Variants in FANCM observed in about 807,000 individuals in gnomAD.
FANCM encodes Fanconi anemia group M protein.
FANCM carries 140 observed loss-of-function variants against 199.5 expected under a neutral mutation model. That is an observed-to-expected ratio of 0.70 (90% confidence interval 0.61 to 0.81). The LOEUF is 0.81. Among genes scored for constraint, FANCM ranks in the 30% least tolerant of loss-of-function variants. The pLI, the probability that FANCM is intolerant of heterozygous loss-of-function variation, is 0.00. For synonymous variants in FANCM, 840 were observed against 836.8 expected, an observed-to-expected ratio of 1.00 and a Z score of -0.07; for missense variants, 2,410 against 2,421.4, an observed-to-expected ratio of 1.00 and a Z score of 0.10.
chr14:45,152,926 G>A (rs561638501), intron 5 of FANCM, among the ~76,000 whole-genome samples: 1 of 152,098 alleles, frequency 6.6e-6, no homozygotes, highest in Non-Finnish European at 1.5e-5. Flanking sequence ...TTTGATTTCT[G>A]CTAGGAAATA....
rs770651053 is a variant in FANCM, at chr14:45,176,517, C to A, written c.3763C>A (p.Pro1255Thr). Residue 1255 changes from proline to threonine, a missense_variant, in exon 14 of 23, where the codon CCT becomes ACT. By Grantham distance (38) the Pro-to-Thr change is conservative (BLOSUM62 -1). Transcript: ENST00000267430. The stretch of plus-strand genomic sequence containing the variant: ...GGAACATACATCAGATAGCAATAGA[C>A]CTCTAGATGATCTATATGGAAGGTA... Reference protein sequence around the residue: ...ILEHTSDSNRPLDDLYGRYLE... With the variant: ...ILEHTSDSNRTLDDLYGRYLE... The A allele has an allele frequency of 3.1e-6, 5 of 1,601,970 alleles. No homozygotes were observed. Among genetic ancestry groups the A allele is most frequent in the Admixed American group, 3.4e-5 (2 of 58,612 alleles).
At chr14:45,136,772 A>T (rs575259425) in intron 1 of FANCM, among the ~76,000 whole-genome samples, 154 of 152,378 alleles carry the variant, frequency 1.0e-3, no homozygotes, top group African/African-American at 3.6e-3. Context: ...GTAACTGAAC[A>T]TGATATTTCC....
chr14:45,164,319 A>G lies in FANCM; in HGVS notation c.1582-40A>G, dbSNP rs78455731. On this transcript the variant is annotated intron_variant, in intron 9 of 22. Transcript: ENST00000267430. Reference sequence around the variant, plus strand: ...ATATGCTTTGATCTACAGTTCTCTTACATTTGCATGTAGTTATTTTTCAAT... The same window carrying G: ...ATATGCTTTGATCTACAGTTCTCTTGCATTTGCATGTAGTTATTTTTCAAT... 0.11 allele frequency: 155,934 copies of G among 1,467,896 alleles called. 9,481 individuals are homozygous for G. The highest frequency in any genetic ancestry group is 0.2 in the South Asian group (17,588 of 87,858). The allele number at this position is 1,467,896 out of a possible 1,614,324, so 90.9% of individuals were successfully genotyped here. A position where few individuals can be genotyped will look rare whatever the true frequency, so the allele number is the denominator to read the frequency against.
intron 6 of FANCM, 53 bp from the exon 7 acceptor site, chr14:45,154,644 A>G: frequency 8.6e-7 from 1 of 1,159,884 alleles, no homozygotes; most frequent in Admixed American, 2.2e-5. Context: ...TAAATAATAC[A>G]TTTTATCAGT....
intron 3 of FANCM, among the ~76,000 whole-genome samples, chr14:45,147,369 G>T (rs1464403290): frequency 1.3e-5 from 2 of 150,688 alleles, no homozygotes; most frequent in Admixed American, 6.6e-5. Flanking sequence ...GAATACAGTC[G>T]CAACTGTAGT....
At chr14:45,175,035 T>C (rs768731678) in intron 13 of FANCM, 36 bp from the exon 14 acceptor site, 1 of 1,411,476 alleles carries the variant, frequency 7.1e-7, no homozygotes, top group South Asian at 1.2e-5. Context: ...TTTTGTTTTG[T>C]TTTCCTGTGG....
chr14:45,164,306 C>G, intron 9 of FANCM, 53 bp from the exon 10 acceptor site: 1 of 1,401,030 alleles, frequency 7.1e-7, no homozygotes, highest in Non-Finnish European at 1.0e-6. Flanking sequence ...ATGCTTTGAT[C>G]TACAGTTCTC....
chr14:45,190,408 C>G (rs114742845), intron 20 of FANCM, among the ~76,000 whole-genome samples: 4,166 of 152,182 alleles, frequency 0.027, 113 homozygotes, highest in African/African-American at 0.068. Flanking sequence ...ATGGCTAGAT[C>G]AAGCTAATTA....
At chr14:45,170,803 C>T (rs2139227508) in intron 12 of FANCM, 57 bp downstream of exon 12, 1 of 1,394,728 alleles carries the variant, frequency 7.2e-7, no homozygotes, top group Non-Finnish European at 1.0e-6. Context: ...AATGCCAGAA[C>T]CCCTCAGATG....
chr14:45,147,906 C>A (rs890879669), intron 3 of FANCM, among the ~76,000 whole-genome samples: 1,667 of 143,506 alleles, frequency 0.012, 38 homozygotes, highest in African/African-American at 0.042. Flanking sequence ...CGCCCCCCCC[C>A]CAAAAAAAAA....
intron 19 of FANCM, among the ~76,000 whole-genome samples, chr14:45,188,386 A>T (rs571646824): frequency 1.3e-5 from 2 of 151,824 alleles, no homozygotes; most frequent in African/African-American, 4.8e-5. Context: ...ATCAAAATTC[A>T]TTTTTTTTCA....
chr14:45,174,825 A>G (rs1046211181), intron 13 of FANCM, among the ~76,000 whole-genome samples: 1 of 152,150 alleles, frequency 6.6e-6, no homozygotes, highest in Non-Finnish European at 1.5e-5. Context: ...AATAGTTACC[A>G]AGGGTCTTTT....
Position 45,198,712 on chromosome 14 carries a change from G to C in FANCM, c.5785G>C (p.Gly1929Arg). 6.2e-7 allele frequency: 1 copy of C among 1,613,902 alleles called. No individual in the cohort carries two copies. Among genetic ancestry groups the C allele is most frequent in the Non-Finnish European group, 8.5e-7 (1 of 1,179,852 alleles). ...DSLLTTLIGA[G>R]IRILFSSCQE... ...CCTGCTGACTACCTTAATTGGCGCTGGAATCCGAATTCTTTTCAGTTCCTG... is the reference window on the plus strand; with the variant it reads ...CCTGCTGACTACCTTAATTGGCGCTCGAATCCGAATTCTTTTCAGTTCCTG... Residue 1929 changes from glycine (G) to arginine (R), a missense_variant, in exon 22 of 23, where the codon GGA (glycine) becomes CGA (arginine). By Grantham distance (125) the Gly-to-Arg change is moderately radical (BLOSUM62 -2). Coordinates refer to ENST00000267430, the MANE Select transcript of FANCM (RefSeq NM_020937.4).
At position 45,176,408 on chromosome 14, in the gene FANCM, G is replaced by T; in HGVS notation, c.3654G>T (p.Glu1218Asp). The T allele has an allele frequency of 6.2e-7, 1 of 1,612,808 alleles. No individual in the cohort carries two copies. The highest frequency in any genetic ancestry group is 8.5e-7 in the Non-Finnish European group (1 of 1,179,848). The change falls in exon 14 of 23, where the codon GAG (glutamate) becomes GAT (aspartate). Residue 1218 changes from glutamate (E) to aspartate (D), a missense_variant. Transcript: ENST00000267430. ...AGGAAGAAAAAGTGAAGAATCATGA[G>T]GATATTTTTGATTGCTCTAGGGATT... The part of the protein sequence containing the change: ...GVQEEKVKNH[E>D]DIFDCSRDLF...
Position 45,136,476 on chromosome 14 carries a change from C to G in FANCM, c.445C>G (p.Gln149Glu), listed in dbSNP as rs1351938600. Reference protein sequence around the residue: ...FMAPTKPLVTQQIEACYQVMG... With the variant: ...FMAPTKPLVTEQIEACYQVMG... ...GGCCCCAACGAAACCCTTGGTGACACAGCAGATCGAGGCTTGCTACCAGGT... is the reference window on the plus strand; with the variant it reads ...GGCCCCAACGAAACCCTTGGTGACAGAGCAGATCGAGGCTTGCTACCAGGT... The change falls in exon 1 of 23, where the codon CAG (glutamine) becomes GAG (glutamate). Residue 149 changes from glutamine (Q) to glutamate (E), a missense_variant. Transcript: ENST00000267430. The G allele has an allele frequency of 1.9e-6, 3 of 1,614,154 alleles. No homozygotes were observed. In the Admixed American group the frequency reaches 5.0e-5, roughly 27 times the overall value.
chr14:45,152,277 G>A (rs369186328), intron 5 of FANCM, among the ~76,000 whole-genome samples: 3 of 152,086 alleles, frequency 2.0e-5, no homozygotes, highest in South Asian at 2.1e-4. Flanking sequence ...TGATCTGCCT[G>A]TCTCGGCCTC....
rs190524717 is a variant in FANCM, at chr14:45,181,601, A to G, written c.4318-36A>G. 242 of 1,564,006 alleles carry G rather than the reference A, an allele frequency of 1.5e-4. No homozygotes were observed. In the African/African-American group the frequency reaches 1.7e-3, roughly 11 times the overall value. ...TTTTATACCTTGGGCTTCTGCTGAG[A>G]CTTTTGTTGCCTTTTACTTTATTTA... On this transcript the variant is annotated intron_variant, in intron 15 of 22. Transcript: ENST00000267430.
At chr14:45,199,372 T>C (rs1176412592) in intron 22 of FANCM, among the ~76,000 whole-genome samples, 1 of 152,200 alleles carries the variant, frequency 6.6e-6, no homozygotes, top group Non-Finnish European at 1.5e-5. Context: ...AATGATAAAA[T>C]ACACAAACAA....
intron 16 of FANCM, among the ~76,000 whole-genome samples, chr14:45,182,736 C>G: frequency 6.6e-6 from 1 of 152,180 alleles, no homozygotes; most frequent in East Asian, 1.9e-4. Context: ...TGCTTCTCAA[C>G]TTACAATAGA....
Sources: allele counts gnomAD v4.1 joint callset (sites outside exome capture counted in the v4.1 genomes callset), GRCh38; gene constraint gnomAD v4.1.1; transcripts MANE v1.5; gene names NCBI Gene and HGNC (gene_info 2026-07-23, HGNC 2026-07-21).